RAD51B: variants seen among roughly 807,000 people sequenced by gnomAD.
The protein encoded by RAD51B is DNA repair protein RAD51 homolog 2.
RAD51B carries 38 observed loss-of-function variants against 42.2 expected under a neutral mutation model. That is an observed-to-expected ratio of 0.90 (90% CI 0.70 to 1.18). RAD51B has a LOEUF of 1.18. Ranked by LOEUF, RAD51B falls within the 50% of genes most tolerant of loss-of-function variation. RAD51B has a pLI of 0.00. For synonymous variants in RAD51B, 154 were observed against 145.2 expected, an observed-to-expected ratio of 1.06 and a Z score of -0.43; for missense variants, 373 against 400.7, an observed-to-expected ratio of 0.93 and a Z score of 0.59.
exon 11 of RAD51B, chr14:68,595,854 T>G (rs1439818762): frequency 6.8e-6 from 2 of 292,878 alleles, no homozygotes; most frequent in Non-Finnish European, 1.2e-5. Context: ...AAAAGTATTA[T>G]GTGCATTTTA....
chr14:67,864,537 G>A (rs1321704235), intron 4 of RAD51B, among the ~76,000 whole-genome samples: 1 of 152,150 alleles, frequency 6.6e-6, no homozygotes, highest in Non-Finnish European at 1.5e-5. Flanking sequence ...ATGGATTAAA[G>A]TAGCCCTTAA....
chr14:67,986,954 A>G (rs1595210471), intron 7 of RAD51B, among the ~76,000 whole-genome samples: 1 of 152,086 alleles, frequency 6.6e-6, no homozygotes, highest in Non-Finnish European at 1.5e-5. Flanking sequence ...CTGGTCTCAA[A>G]CTCCTGACCT....
chr14:68,642,144 G>T (rs1355279314), intron 10 of RAD51B, among the ~76,000 whole-genome samples: 1 of 152,134 alleles, frequency 6.6e-6, no homozygotes, highest in African/African-American at 2.4e-5. Context: ...TATGCCCTCT[G>T]CTTCTATCTT....
intron 10 of RAD51B, among the ~76,000 whole-genome samples, chr14:68,476,111 A>C (rs2140250357): frequency 6.6e-6 from 1 of 152,250 alleles, no homozygotes; most frequent in African/African-American, 2.4e-5. Flanking sequence ...GATGTAGTTA[A>C]ATAAGTTTAA....
intron 10 of RAD51B, among the ~76,000 whole-genome samples, chr14:68,602,545 G>GATAGATAT (rs1316522987): frequency 3.8e-4 from 58 of 152,176 alleles, no homozygotes; most frequent in Admixed American, 1.5e-3. Context: ...TAGATAGATA[G>GATAGATAT]ATAATACATG....
intron 7 of RAD51B, among the ~76,000 whole-genome samples, chr14:68,058,268 T>C (rs994927371): frequency 3.3e-5 from 5 of 152,236 alleles, no homozygotes; most frequent in African/African-American, 9.6e-5. Flanking sequence ...TTTGCATTTT[T>C]GGTCACATAC....
intron 8 of RAD51B, among the ~76,000 whole-genome samples, chr14:68,401,143 G>T (rs1108007): frequency 0.022 from 3,387 of 152,238 alleles, 53 homozygotes; most frequent in South Asian, 0.045. Flanking sequence ...GAAGCTTTTC[G>T]TATAAAGTGA....
chr14:68,426,636 A>G (rs1193045122), intron 9 of RAD51B, among the ~76,000 whole-genome samples: 3 of 152,316 alleles, frequency 2.0e-5, no homozygotes, highest in South Asian at 2.1e-4. Flanking sequence ...TAATTTAAAG[A>G]TGGGATCTAT....
At chr14:68,037,076 A>ATCCTTTC (rs1244095126) in intron 7 of RAD51B, among the ~76,000 whole-genome samples, 1 of 26,452 alleles carries the variant, frequency 3.8e-5, no homozygotes, top group Non-Finnish European at 6.1e-5. Context: ...CCCTTCCTTT[A>ATCCTTTC]TCCTTTCTCC....
In RAD51B at chr14:67,917,337, T is replaced by C. The variant is rs1210020423; in HGVS notation, c.756+30133T>C. On this transcript the variant is annotated intron_variant, in intron 7 of 10. Coordinates refer to ENST00000471583, the MANE Select transcript of RAD51B (RefSeq NM_133510.4). ...GAGGCCTCAGGGGAGCTTTTACTTATGGTGGATGGCGAAGTGGGAGCAGGC... is the reference window on the plus strand; with the variant it reads ...GAGGCCTCAGGGGAGCTTTTACTTACGGTGGATGGCGAAGTGGGAGCAGGC... Among the ~76,000 whole-genome samples the C allele has an allele frequency of 2.0e-5, 3 of 152,302 alleles. No homozygotes were observed. The South Asian group carries it at 6.2e-4, about 32-fold the overall frequency.
At chr14:68,322,058 C>T (rs570514971) in intron 8 of RAD51B, among the ~76,000 whole-genome samples, 65 of 152,212 alleles carry the variant, frequency 4.3e-4, no homozygotes, top group African/African-American at 1.3e-3. Context: ...ACAGCCATAG[C>T]CACTGCGCCC....
intron 10 of RAD51B, among the ~76,000 whole-genome samples, chr14:68,627,948 C>G (rs1282189259): frequency 6.6e-6 from 1 of 151,782 alleles, no homozygotes; most frequent in Non-Finnish European, 1.5e-5. Context: ...CCAGTCAGCC[C>G]ACAACCCAAA....
chr14:68,145,324 G>A (rs1333029509), intron 7 of RAD51B, among the ~76,000 whole-genome samples: 1 of 152,192 alleles, frequency 6.6e-6, no homozygotes, highest in Non-Finnish European at 1.5e-5. Flanking sequence ...ACAGGCTTTG[G>A]AGCTGGATAG....
intron 1 of RAD51B, among the ~76,000 whole-genome samples, chr14:67,820,324 T>C (rs746985402): frequency 1.5e-4 from 23 of 152,218 alleles, no homozygotes; most frequent in Non-Finnish European, 2.5e-4. Flanking sequence ...CTCAGTATCC[T>C]TATCTGTAAA....
intron 7 of RAD51B, among the ~76,000 whole-genome samples, chr14:68,029,805 G>C (rs1218520344): frequency 6.6e-6 from 1 of 152,190 alleles, no homozygotes; most frequent in African/African-American, 2.4e-5. Context: ...ATCCGTATCT[G>C]TGGCACTTAC....
intron 1 of RAD51B, among the ~76,000 whole-genome samples, chr14:67,822,845 A>G (rs1210779459): frequency 6.6e-6 from 1 of 152,206 alleles, no homozygotes; most frequent in Non-Finnish European, 1.5e-5. Flanking sequence ...AAATATGATT[A>G]TGGACTTGCA....
At chr14:68,271,882 A>G (rs1402274948) in intron 7 of RAD51B, among the ~76,000 whole-genome samples, 1 of 152,204 alleles carries the variant, frequency 6.6e-6, no homozygotes, top group Middle Eastern at 3.2e-3. Flanking sequence ...AATGAAGGAC[A>G]ACTTTATTAG....
At chr14:68,542,602 C>A (rs1174979861) in intron 10 of RAD51B, among the ~76,000 whole-genome samples, 1 of 152,176 alleles carries the variant, frequency 6.6e-6, no homozygotes, top group African/African-American at 2.4e-5. Flanking sequence ...CAAGATATCT[C>A]ATGAACAATT....
intron 10 of RAD51B, among the ~76,000 whole-genome samples, chr14:68,533,829 A>G (rs1367930026): frequency 1.3e-5 from 2 of 152,236 alleles, no homozygotes; most frequent in Non-Finnish European, 2.9e-5. Flanking sequence ...TACTTTCTCC[A>G]TTAATCTTAA....
Sources: allele counts gnomAD v4.1 joint callset (sites outside exome capture counted in the v4.1 genomes callset), GRCh38; gene constraint gnomAD v4.1.1; transcripts MANE v1.5; gene names NCBI Gene and HGNC (gene_info 2026-07-23, HGNC 2026-07-21).